The following ADAMTS15 variants were observed in gnomAD, a reference collection of about 807,000 sequenced individuals.
ADAMTS15 encodes the protein A disintegrin and metalloproteinase with thrombospondin motifs 15.
In ADAMTS15, 35 loss-of-function variants were observed where a neutral mutation model predicts 79.1. The ratio of observed to expected loss-of-function variants is 0.44; its 90% CI spans 0.34 to 0.59. The LOEUF is 0.59. ADAMTS15 is among the 20% of genes least tolerant of loss of function. ADAMTS15 has a pLI of 0.02. For synonymous variants in ADAMTS15, 616 were observed against 567.3 expected (o/e 1.09, Z -1.22); for missense variants, 1,324 against 1,318.7 (o/e 1.00, Z -0.06).
rs763095108 is a variant in ADAMTS15 at position 130,462,469 on chromosome 11, C to G, written c.1259-28C>G. 7.1e-6 allele frequency: 11 copies of G among 1,558,292 alleles called. No individual in the cohort carries two copies. Among genetic ancestry groups the G allele is most frequent in the Admixed American group, 3.6e-5 (2 of 56,050 alleles). ...GCCAAACCTCATCTTCCCAGCTCATCCTAACGAACGCCCTCGGCTCTCTGC... is the reference window on the plus strand; with the variant it reads ...GCCAAACCTCATCTTCCCAGCTCATGCTAACGAACGCCCTCGGCTCTCTGC... On this transcript the variant is annotated intron_variant, in intron 3 of 7. Coordinates refer to ENST00000299164, the MANE Select transcript of ADAMTS15 (RefSeq NM_139055.4). The surrounding 1 kb of genome is among the most constrained non-coding windows in gnomAD (Gnocchi z 4.3).
At position 130,462,536 on chromosome 11, in the gene ADAMTS15, T is replaced by G. The variant is rs1382079438; in HGVS notation, c.1298T>G (p.Leu433Arg). 1.9e-6 allele frequency: 3 copies of G among 1,609,518 alleles called. No homozygotes were observed. The African/African-American group carries it at 4.0e-5, about 21-fold the overall frequency. The part of the protein sequence containing the change: ...LLDQPSKPIS[L>R]PEDLPGASYT... ...GACCAACCCAGCAAGCCCATCTCCCTGCCCGAGGATCTGCCGGGCGCCAGC... is the reference window on the plus strand; with the variant it reads ...GACCAACCCAGCAAGCCCATCTCCCGGCCCGAGGATCTGCCGGGCGCCAGC... The change falls in exon 4 of 8, where the codon CTG (leucine) becomes CGG (arginine). Residue 433 changes from leucine to arginine, a missense_variant. By Grantham distance (102) the Leu-to-Arg change is moderately radical (BLOSUM62 -2). Transcript: ENST00000299164. This position sits in a 1 kb window ranked among gnomAD's most constrained non-coding sequence, Gnocchi z 4.3.
At chr11:130,455,963 A>G (rs1045291796) in intron 1 of ADAMTS15, among the ~76,000 whole-genome samples, 2 of 152,178 alleles carry the variant, frequency 1.3e-5, no homozygotes, top group African/African-American at 4.8e-5. Flanking sequence ...TTGGGGCGAT[A>G]TGCACCAGAG....
intron 5 of ADAMTS15, among the ~76,000 whole-genome samples, chr11:130,470,191 T>TATATATATAC (rs1938417913): frequency 5.8e-5 from 3 of 51,790 alleles, no homozygotes; most frequent in Admixed American, 1.6e-4. Context: ...TGTGTGTATA[T>TATATATATAC]ATATATATAT....
chr11:130,470,996 C>T lies in ADAMTS15; in HGVS notation c.1797C>T (p.Leu599=), dbSNP rs759166118. 2.2e-5 allele frequency: 36 copies of T among 1,613,880 alleles called. No individual in the cohort carries two copies. Among genetic ancestry groups the T allele is most frequent in the Middle Eastern group, 1.6e-4 (1 of 6,062 alleles). ...GYNHSTNRLT[L]AVAWVPKYSG... ...ACCACAGCACCAACCGGCTCACTCTCGCCGTGGCATGGGTGCCCAAGTACT... is the reference window on the plus strand; with the variant it reads ...ACCACAGCACCAACCGGCTCACTCTTGCCGTGGCATGGGTGCCCAAGTACT... The change falls in exon 6 of 8, where the codon CTC becomes CTT. Residue 599 remains leucine (L), a synonymous_variant. Coordinates refer to ENST00000299164, the MANE Select transcript of ADAMTS15 (RefSeq NM_139055.4).
chr11:130,462,512 A>C lies in ADAMTS15; in HGVS notation c.1274A>C (p.Asp425Ala), dbSNP rs1938222139. ...LDSGHGDCLL[D>A]QPSKPISLPE... is the part of the protein sequence containing the mutation. ...CTCTCTGCAGGTGACTGCCTCCTGG[A>C]CCAACCCAGCAAGCCCATCTCCCTG... The change falls in exon 4 of 8, where the codon GAC becomes GCC. Residue 425 changes from aspartate to alanine, a missense_variant. Asp to Ala is a moderately radical substitution (Grantham distance 126). Transcript: ENST00000299164. The surrounding 1 kb of genome is among the most constrained non-coding windows in gnomAD (Gnocchi z 4.3). 3 of 1,598,442 alleles carry C rather than the reference A, an allele frequency of 1.9e-6. No individual in the cohort carries two copies. Among genetic ancestry groups the C allele is most frequent in the Non-Finnish European group, 2.6e-6 (3 of 1,169,328 alleles).
chr11:130,454,958 T>C (rs1592144276), intron 1 of ADAMTS15, among the ~76,000 whole-genome samples: 2 of 152,004 alleles, frequency 1.3e-5, no homozygotes, highest in Non-Finnish European at 2.9e-5. Context: ...CCTGGAATTT[T>C]CCCCCCAACC....
Position 130,474,151 on chromosome 11 carries a change from A to C in ADAMTS15, c.*330A>C, listed in dbSNP as rs1592152737. The stretch of plus-strand genomic sequence containing the variant: ...GCACCTTCCAGGCAGAACTTCAGGG[A>C]CCCCGGCCCCCAGAACGGAGGCCAC... On this transcript the variant is annotated 3_prime_UTR_variant, in exon 8 of 8. Transcript: ENST00000299164. 1 of 262,526 alleles carries C rather than the reference A, an allele frequency of 3.8e-6. No individual in the cohort carries two copies. Among genetic ancestry groups the C allele is most frequent in the Non-Finnish European group, 7.2e-6 (1 of 138,792 alleles). 16.3% of individuals were successfully genotyped at this position (262,526 alleles called of 1,614,324 possible). A position where few individuals can be genotyped will look rare whatever the true frequency, so the allele number is the denominator to read the frequency against.
chr11:130,458,459 G>A (rs780480720), intron 1 of ADAMTS15, among the ~76,000 whole-genome samples: 1 of 152,210 alleles, frequency 6.6e-6, no homozygotes, highest in Non-Finnish European at 1.5e-5. Context: ...TCAACTACAT[G>A]ACTTGGGTCA....
At chr11:130,466,609 C>T (rs914372587) in intron 4 of ADAMTS15, among the ~76,000 whole-genome samples, 1 of 152,204 alleles carries the variant, frequency 6.6e-6, no homozygotes, top group Non-Finnish European at 1.5e-5. Context: ...GCCACCACCC[C>T]CTGTCCCCTG....
chr11:130,471,017 G>A lies in ADAMTS15; in HGVS notation c.1818G>A (p.Lys606=), dbSNP rs150734073. 1.0e-3 allele frequency: 1,675 copies of A among 1,613,822 alleles called. 2 individuals carry two copies. The highest frequency in any genetic ancestry group is 1.3e-3 in the Middle Eastern group (8 of 6,062). ...CTCTCGCCGTGGCATGGGTGCCCAAGTACTCCGGCGTGTCTCCCCGGGACA... is the reference window on the plus strand; with the variant it reads ...CTCTCGCCGTGGCATGGGTGCCCAAATACTCCGGCGTGTCTCCCCGGGACA... The part of the protein sequence containing the change: ...RLTLAVAWVP[K]YSGVSPRDKC... The change falls in exon 6 of 8, where the codon AAG becomes AAA. Residue 606 remains lysine, a synonymous_variant. Coordinates refer to ENST00000299164, the MANE Select transcript of ADAMTS15 (RefSeq NM_139055.4).
chr11:130,473,038 C>T lies in ADAMTS15; in HGVS notation c.2079-9C>T. The stretch of plus-strand genomic sequence containing the variant: ...CTATCTGATGCACGGCCCCCCTTTC[C>T]CCCGCCAGGCATGGCTACAATTTCG... On this transcript the variant is annotated splice_polypyrimidine_tract_variant and intron_variant, in intron 7 of 7. Coordinates refer to ENST00000299164, the MANE Select transcript of ADAMTS15 (RefSeq NM_139055.4). The T allele has an allele frequency of 6.2e-7, 1 of 1,612,000 alleles. No homozygotes were observed. Among genetic ancestry groups the T allele is most frequent in the South Asian group, 1.1e-5 (1 of 90,956 alleles).
Position 130,473,263 on chromosome 11 carries a change from G to A in ADAMTS15, c.2295G>A (p.Ala765=), listed in dbSNP as rs746501899. ...SLLRYSGTGT[A]VESLQASRPI... ...TGCGGTACAGCGGCACGGGCACAGC[G>A]GTGGAGAGCCTGCAGGCTTCCCGGC... Residue 765 remains alanine (A), a synonymous_variant, in exon 8 of 8, where the codon GCG becomes GCA. Coordinates refer to ENST00000299164, the MANE Select transcript of ADAMTS15 (RefSeq NM_139055.4). 64 of 1,613,358 alleles carry A rather than the reference G, an allele frequency of 4.0e-5. No individual in the cohort carries two copies. The highest frequency in any genetic ancestry group is 4.9e-5 in the Non-Finnish European group (58 of 1,180,038).
Position 130,469,351 on chromosome 11 carries a change from C to T in ADAMTS15, c.1632C>T (p.Thr544=), listed in dbSNP as rs1189072518. The stretch of plus-strand genomic sequence containing the variant: ...TGCAGCTGGCCAGGAGGCAGTGCAC[C>T]AACCCCACCCCTGCCAACGGGGGCA... ...GGVQLARRQC[T]NPTPANGGKY... The change falls in exon 5 of 8, where the codon ACC becomes ACT. Residue 544 remains threonine, a synonymous_variant. Transcript: ENST00000299164. 6 of 1,360,324 alleles carry T rather than the reference C, an allele frequency of 4.4e-6. No homozygotes were observed. The highest frequency in any genetic ancestry group is 5.7e-6 in the Non-Finnish European group (6 of 1,048,082). 84.3% of individuals were successfully genotyped at this position (1,360,324 alleles called of 1,614,324 possible). A position where few individuals can be genotyped will look rare whatever the true frequency, so the allele number is the denominator to read the frequency against.
chr11:130,472,922 C>T lies in ADAMTS15; in HGVS notation c.2079-125C>T, dbSNP rs1451240388. On this transcript the variant is annotated intron_variant, in intron 7 of 7. Coordinates refer to ENST00000299164, the MANE Select transcript of ADAMTS15 (RefSeq NM_139055.4). The surrounding 1 kb of genome is among the most constrained non-coding windows in gnomAD (Gnocchi z 4.7). ...GCAGGGACCTCTCTGACTCCAAAACCTGTGCTTTTACTCCCATGCCAGAAT... is the reference window on the plus strand; with the variant it reads ...GCAGGGACCTCTCTGACTCCAAAACTTGTGCTTTTACTCCCATGCCAGAAT... The T allele has an allele frequency of 1.4e-6, 2 of 1,402,672 alleles. No homozygotes were observed. Among genetic ancestry groups the T allele is most frequent in the East Asian group, 4.6e-5 (2 of 43,646 alleles). The allele number at this position is 1,402,672 out of a possible 1,614,324, so 86.9% of individuals were successfully genotyped here.
intron 4 of ADAMTS15, among the ~76,000 whole-genome samples, chr11:130,466,020 C>T (rs994857298): frequency 2.0e-5 from 3 of 152,038 alleles, no homozygotes; most frequent in Non-Finnish European, 2.9e-5. Flanking sequence ...TTACAGGCGC[C>T]CGCCACCACA....
rs578063090 is a variant in ADAMTS15, at chr11:130,449,138, T to C, written c.165T>C (p.Phe55=). 34 of 1,598,104 alleles carry C rather than the reference T, an allele frequency of 2.1e-5. No homozygotes were observed. In the Middle Eastern group the frequency reaches 1.0e-3, roughly 47 times the overall value. ...ACTCCGGGGATCAGGGACTCATTTT[T>C]CAGATCACAGCATTTCAGGAGGACT... ...PEDSGDQGLI[F]QITAFQEDFY... is the part of the protein sequence containing the mutation. Residue 55 remains phenylalanine (F), a synonymous_variant, in exon 1 of 8, where the codon TTT becomes TTC. Transcript: ENST00000299164. This position sits in a 1 kb window ranked among gnomAD's most constrained non-coding sequence, Gnocchi z 7.8.
rs748985873 is a variant in ADAMTS15, at chr11:130,462,484, C to T, written c.1259-13C>T. On this transcript the variant is annotated splice_polypyrimidine_tract_variant and intron_variant, in intron 3 of 7. Transcript: ENST00000299164. The surrounding 1 kb of genome is among the most constrained non-coding windows in gnomAD (Gnocchi z 4.3). ...CCCAGCTCATCCTAACGAACGCCCT[C>T]GGCTCTCTGCAGGTGACTGCCTCCT... 13 of 1,572,804 alleles carry T rather than the reference C, an allele frequency of 8.3e-6. No individual in the cohort carries two copies. The highest frequency in any genetic ancestry group is 4.5e-5 in the East Asian group (2 of 44,212).
chr11:130,456,569 C>T (rs1938084883), intron 1 of ADAMTS15, among the ~76,000 whole-genome samples: 1 of 152,174 alleles, frequency 6.6e-6, no homozygotes, highest in South Asian at 2.1e-4. Context: ...CAAGGAAATA[C>T]AGTGATGCAT....
At chr11:130,460,165 A>G (rs1361727210) in intron 1 of ADAMTS15, among the ~76,000 whole-genome samples, 1 of 152,214 alleles carries the variant, frequency 6.6e-6, no homozygotes, top group African/African-American at 2.4e-5. Flanking sequence ...TATTGTGAGG[A>G]TTAAATGAGG....
Sources: gnomAD v4.1 joint callset for allele counts (sites outside exome capture counted in the v4.1 genomes callset) on GRCh38, gnomAD v4.1.1 for gene constraint, Gnocchi (gnomAD v3.1) non-coding constraint, MANE v1.5 for transcripts, NCBI Gene and HGNC (gene_info 2026-07-23, HGNC 2026-07-21) for gene names.